The following SPOCK1 variants were observed in gnomAD, a reference collection of about 807,000 sequenced individuals.
SPOCK1 encodes the protein SPARC (osteonectin), cwcv and kazal like domains proteoglycan 1.
SPOCK1 carries 23 observed loss-of-function variants against 55.3 expected under a neutral mutation model. The ratio of observed to expected loss-of-function variants is 0.42; its 90% CI spans 0.30 to 0.59. The LOEUF (loss-of-function observed/expected upper bound fraction) is 0.59. Among genes scored for constraint, SPOCK1 ranks in the 20% least tolerant of loss-of-function variants. The probability of loss-of-function intolerance (pLI) is 0.22; values close to 1 mark genes in which losing one functional copy is unlikely to be tolerated. For missense variants in SPOCK1, 499 were observed against 552.5 expected (o/e 0.90, Z 0.97); for synonymous variants, 226 against 221.0 (o/e 1.02, Z -0.20).
At chr5:137,460,210 C>T (rs1753452910) in intron 2 of SPOCK1, among the ~76,000 whole-genome samples, 1 of 152,124 alleles carries the variant, frequency 6.6e-6, no homozygotes, top group Non-Finnish European at 1.5e-5. Flanking sequence ...TGGTGTAGGC[C>T]TGTGCTGGAG....
At chr5:137,173,628 C>T (rs962052569) in intron 3 of SPOCK1, among the ~76,000 whole-genome samples, 6 of 152,194 alleles carry the variant, frequency 3.9e-5, no homozygotes, top group African/African-American at 1.4e-4. Flanking sequence ...AGATACAATA[C>T]AAATCGGTAT....
At chr5:137,179,400 C>T (rs1754923151) in intron 3 of SPOCK1, among the ~76,000 whole-genome samples, 1 of 152,134 alleles carries the variant, frequency 6.6e-6, no homozygotes, top group African/African-American at 2.4e-5. Flanking sequence ...AGTTAACTTA[C>T]ACATTTAAGC....
At chr5:137,235,441 C>A (rs540036623) in intron 3 of SPOCK1, among the ~76,000 whole-genome samples, 1 of 152,342 alleles carries the variant, frequency 6.6e-6, no homozygotes, top group South Asian at 2.1e-4. Flanking sequence ...CTTATTTCAA[C>A]CACTAGTTTC....
chr5:137,408,702 T>C (rs921230282), intron 2 of SPOCK1, among the ~76,000 whole-genome samples: 3 of 152,164 alleles, frequency 2.0e-5, no homozygotes, highest in African/African-American at 7.2e-5. Context: ...TACCTGCAGC[T>C]CATTTTCTAA....
chr5:137,323,958 C>G (rs1212294521), intron 2 of SPOCK1, among the ~76,000 whole-genome samples: 1 of 152,138 alleles, frequency 6.6e-6, no homozygotes, highest in African/African-American at 2.4e-5. Flanking sequence ...CATGATGCAG[C>G]CATCCCACTT....
chr5:136,978,656 ACCATATGTACCCGAC>A lies in SPOCK1; in HGVS notation c.1303_1317del (p.Val435_Trp439del). On this transcript the variant is annotated inframe_deletion, in exon 11 of 11. Coordinates refer to ENST00000394945, the MANE Select transcript of SPOCK1 (RefSeq NM_004598.4). ...TTGTGTCCTCTTTCTTGTGGGCACT[ACCATATGTACCCGAC>A]CTCATCCTCTTTGTCATCATCCTCA... 1 of 1,602,412 alleles carries A rather than the reference ACCATATGTACCCGAC, an allele frequency of 6.2e-7. No individual in the cohort carries two copies. The highest frequency in any genetic ancestry group is 8.5e-7 in the Non-Finnish European group (1 of 1,175,714).
chr5:137,049,098 T>A (rs1188484204), intron 6 of SPOCK1, among the ~76,000 whole-genome samples: 1 of 128,786 alleles, frequency 7.8e-6, no homozygotes, highest in Non-Finnish European at 1.7e-5. Flanking sequence ...TCAACTTTGG[T>A]GAATCTGACA....
At chr5:137,423,134 G>A (rs568212947) in intron 2 of SPOCK1, among the ~76,000 whole-genome samples, 3 of 152,326 alleles carry the variant, frequency 2.0e-5, no homozygotes, top group Admixed American at 6.5e-5. Context: ...CTGCATGATT[G>A]TTCCTCTGGA....
intron 2 of SPOCK1, among the ~76,000 whole-genome samples, chr5:137,327,887 C>T (rs1758106227): frequency 6.6e-6 from 1 of 152,112 alleles, no homozygotes; most frequent in African/African-American, 2.4e-5. Context: ...GATCCTCAAG[C>T]CAAAGAAACA....
chr5:137,300,043 C>T (rs1757557676), intron 2 of SPOCK1, among the ~76,000 whole-genome samples: 1 of 152,046 alleles, frequency 6.6e-6, no homozygotes, highest in Middle Eastern at 3.2e-3. Flanking sequence ...TATATTAGAC[C>T]ACTTTATATT....
chr5:137,322,017 T>A (rs1386949161), intron 2 of SPOCK1, among the ~76,000 whole-genome samples: 1 of 152,046 alleles, frequency 6.6e-6, no homozygotes, highest in Non-Finnish European at 1.5e-5. Flanking sequence ...AAAAGCTAAA[T>A]GGAGTCCTTC....
chr5:137,017,015 G>A (rs908979237), intron 6 of SPOCK1, among the ~76,000 whole-genome samples: 5 of 152,222 alleles, frequency 3.3e-5, no homozygotes, highest in African/African-American at 7.2e-5. Context: ...GGAAGTACTC[G>A]AGGCCCTGCA....
intron 7 of SPOCK1, chr5:136,988,937 T>G (rs536055784): frequency 4.0e-6 from 1 of 252,536 alleles, no homozygotes; most frequent in African/African-American, 2.2e-5. Flanking sequence ...TTGCTTAAAA[T>G]GGGGTGTGCC....
intron 2 of SPOCK1, chr5:137,273,338 T>C (rs1757006054): frequency 3.1e-6 from 3 of 978,128 alleles, no homozygotes; most frequent in Non-Finnish European, 3.6e-6. Context: ...ACTACTTTAA[T>C]GCTATGTCTA....
intron 8 of SPOCK1, 137 bp from the exon 9 acceptor site, chr5:136,985,339 G>T (rs1750817879): frequency 3.5e-6 from 3 of 846,274 alleles, no homozygotes; most frequent in Middle Eastern, 2.3e-4. Flanking sequence ...TACTATGCAA[G>T]AAAACAAATT....
chr5:137,397,613 C>T (rs555531570), intron 2 of SPOCK1, among the ~76,000 whole-genome samples: 142 of 152,304 alleles, frequency 9.3e-4, no homozygotes, highest in African/African-American at 3.2e-3. Flanking sequence ...CTTTACCTGT[C>T]TGTCCTCTGC....
intron 2 of SPOCK1, among the ~76,000 whole-genome samples, chr5:137,322,048 T>TA (rs1309446056): frequency 3.3e-5 from 5 of 151,946 alleles, no homozygotes; most frequent in African/African-American, 1.2e-4. Flanking sequence ...GAAAGAATGC[T>TA]AAAAAACACT....
At chr5:137,223,582 T>A (rs2127089078) in intron 3 of SPOCK1, among the ~76,000 whole-genome samples, 1 of 152,300 alleles carries the variant, frequency 6.6e-6, no homozygotes, top group Non-Finnish European at 1.5e-5. Context: ...CCCAATGTTA[T>A]CTCCACATTT....
chr5:137,327,834 T>C (rs1758105429), intron 2 of SPOCK1, among the ~76,000 whole-genome samples: 1 of 152,218 alleles, frequency 6.6e-6, no homozygotes, highest in Admixed American at 6.5e-5. Context: ...CATGCCCATT[T>C]GTCTGTTCTA....
Sources: gnomAD v4.1 joint callset for allele counts (sites outside exome capture counted in the v4.1 genomes callset) on GRCh38, gnomAD v4.1.1 for gene constraint, MANE v1.5 for transcripts, NCBI Gene and HGNC (gene_info 2026-07-23, HGNC 2026-07-21) for gene names.